Variants in FHIT observed in about 807,000 individuals in gnomAD.
FHIT encodes fragile histidine triad diadenosine triphosphatase, also known as bis(5'-adenosyl)-triphosphatase.
Under a neutral mutation model 17.9 loss-of-function variants are expected in FHIT, and 19 were observed. That is an observed-to-expected ratio of 1.06 (90% CI 0.74 to 1.56). The LOEUF is 1.56. Among genes scored for constraint, FHIT ranks in the 40% most tolerant of loss-of-function variants. FHIT has a pLI of 0.00. For missense variants in FHIT, 248 were observed against 189.2 expected (o/e 1.31, Z -1.82); for synonymous variants, 81 against 69.7 (o/e 1.16, Z -0.81).
chr3:60,939,844 A>G (rs556683024), intron 3 of FHIT, among the ~76,000 whole-genome samples: 2 of 152,276 alleles, frequency 1.3e-5, no homozygotes, highest in African/African-American at 2.4e-5. Flanking sequence ...TTAATTTTAG[A>G]AACATTAAAA....
intron 3 of FHIT, among the ~76,000 whole-genome samples, chr3:61,040,690 T>G (rs2033465015): frequency 6.6e-6 from 1 of 152,222 alleles, no homozygotes; most frequent in Non-Finnish European, 1.5e-5. Context: ...TGGTATCTGT[T>G]GCTTCTATTA....
intron 4 of FHIT, among the ~76,000 whole-genome samples, chr3:60,671,851 G>A (rs2107843610): frequency 6.6e-6 from 1 of 151,782 alleles, no homozygotes; most frequent in African/African-American, 2.4e-5. Context: ...TTGGCAGGCT[G>A]AGGCAGCAGA....
chr3:60,785,969 A>T (rs551659890), intron 4 of FHIT, among the ~76,000 whole-genome samples: 2 of 151,338 alleles, frequency 1.3e-5, no homozygotes, highest in South Asian at 4.2e-4. Flanking sequence ...TAACAAAGAG[A>T]TTATCTACAG....
At chr3:60,758,905 T>C (rs1343886651) in intron 4 of FHIT, among the ~76,000 whole-genome samples, 8 of 152,104 alleles carry the variant, frequency 5.3e-5, no homozygotes, top group Non-Finnish European at 1.2e-4. Context: ...TGCTGATTTA[T>C]AAAAGACAGA....
At chr3:61,153,578 G>C (rs2037456162) in intron 2 of FHIT, among the ~76,000 whole-genome samples, 1 of 152,152 alleles carries the variant, frequency 6.6e-6, no homozygotes. Context: ...TGGTGATATA[G>C]ATGGAGCTCA....
chr3:61,080,576 A>G (rs1449281492), intron 2 of FHIT, among the ~76,000 whole-genome samples: 2 of 152,218 alleles, frequency 1.3e-5, no homozygotes, highest in African/African-American at 4.8e-5. Flanking sequence ...GTTCGATATT[A>G]TAGTGCACTA....
intron 8 of FHIT, among the ~76,000 whole-genome samples, chr3:59,783,314 C>T (rs974485353): frequency 1.3e-5 from 2 of 152,048 alleles, no homozygotes; most frequent in Admixed American, 1.3e-4. Context: ...GCTAAAAATA[C>T]AAAAATTAGC....
intron 7 of FHIT, among the ~76,000 whole-genome samples, chr3:59,977,217 T>A (rs1026304439): frequency 2.0e-5 from 3 of 152,110 alleles, no homozygotes; most frequent in Non-Finnish European, 4.4e-5. Flanking sequence ...CCCAATATCA[T>A]ACATCTGCTG....
chr3:61,149,728 A>C (rs1209030258), intron 2 of FHIT, among the ~76,000 whole-genome samples: 2 of 151,934 alleles, frequency 1.3e-5, no homozygotes, highest in East Asian at 1.9e-4. Context: ...AAATACAAAA[A>C]TATTAGCCAT....
chr3:60,977,636 C>T (rs1272803336), intron 3 of FHIT, among the ~76,000 whole-genome samples: 1 of 152,148 alleles, frequency 6.6e-6, no homozygotes, highest in East Asian at 1.9e-4. Flanking sequence ...CTTTGGGAGG[C>T]TGAGATGGGC....
chr3:60,343,642 T>C (rs1710633574), intron 5 of FHIT, among the ~76,000 whole-genome samples: 1 of 152,200 alleles, frequency 6.6e-6, no homozygotes, highest in Admixed American at 6.5e-5. Context: ...TGTTTCATTT[T>C]TAAGATGATA....
intron 4 of FHIT, among the ~76,000 whole-genome samples, chr3:60,693,450 T>C (rs1238164259): frequency 6.6e-6 from 1 of 152,224 alleles, no homozygotes; most frequent in Non-Finnish European, 1.5e-5. Flanking sequence ...GATTTCTATA[T>C]GTTCTGATGT....
rs1275036488 is a variant in FHIT at position 60,740,047 on chromosome 3, T to C, written c.-18+81872A>G. Among the ~76,000 whole-genome samples the C allele has an allele frequency of 5.3e-5, 8 of 152,354 alleles. No homozygotes were observed. The East Asian group carries it at 1.3e-3, about 26-fold the overall frequency. On this transcript the variant is annotated intron_variant, in intron 4 of 9. Transcript: ENST00000492590. ...TCTATCTGATTAGAGAGGTGAACTG[T>C]AAAGACAGGCAAGAATCAGAGCATA...
At chr3:60,344,055 G>A (rs1012479734) in intron 5 of FHIT, among the ~76,000 whole-genome samples, 1 of 152,208 alleles carries the variant, frequency 6.6e-6, no homozygotes, top group Non-Finnish European at 1.5e-5. Context: ...CAGTGGAACA[G>A]ACGGGGATCT....
intron 2 of FHIT, among the ~76,000 whole-genome samples, chr3:61,155,994 C>T (rs1399804052): frequency 6.6e-6 from 1 of 152,144 alleles, no homozygotes; most frequent in East Asian, 1.9e-4. Flanking sequence ...ATCTACGTGA[C>T]CAGCCCCCAA....
intron 2 of FHIT, among the ~76,000 whole-genome samples, chr3:61,118,695 C>T (rs1482897100): frequency 6.6e-6 from 1 of 152,052 alleles, no homozygotes; most frequent in Non-Finnish European, 1.5e-5. Context: ...TGTGTCAGTT[C>T]CCTTATTTGT....
intron 5 of FHIT, among the ~76,000 whole-genome samples, chr3:60,072,402 C>T (rs951183404): frequency 1.3e-5 from 2 of 152,062 alleles, no homozygotes; most frequent in Non-Finnish European, 2.9e-5. Flanking sequence ...ACCATATCAA[C>T]AACAAAATAA....
intron 3 of FHIT, among the ~76,000 whole-genome samples, chr3:60,921,318 T>A (rs553308737): frequency 2.0e-5 from 3 of 152,214 alleles, no homozygotes; most frequent in Non-Finnish European, 4.4e-5. Flanking sequence ...CATGGTGGTG[T>A]ATGAGAAATC....
At chr3:60,461,881 T>C (rs2032490110) in intron 5 of FHIT, among the ~76,000 whole-genome samples, 5 of 152,128 alleles carry the variant, frequency 3.3e-5, no homozygotes, top group East Asian at 3.9e-4. Flanking sequence ...AAGATTGAAA[T>C]TGATTTTAAA....
Sources: gnomAD v4.1 joint callset for allele counts (sites outside exome capture counted in the v4.1 genomes callset) on GRCh38, gnomAD v4.1.1 for gene constraint, MANE v1.5 for transcripts, NCBI Gene and HGNC (gene_info 2026-07-23, HGNC 2026-07-21) for gene names.